RXFP1: variants seen among roughly 807,000 people sequenced by gnomAD.
RXFP1 encodes the protein relaxin receptor 1.
Under a neutral mutation model 89.8 loss-of-function variants are expected in RXFP1, and 73 were observed. The observed-to-expected ratio is 0.81, with a 90% CI of 0.67 to 0.99. The LOEUF (loss-of-function observed/expected upper bound fraction) is 0.99. Ranked by LOEUF, RXFP1 falls within the 50% of genes least tolerant of loss-of-function variation. The probability of loss-of-function intolerance (pLI) is 0.00; values close to 1 mark genes in which losing one functional copy is unlikely to be tolerated. For missense variants in RXFP1, 793 were observed against 895.5 expected (o/e 0.89, Z 1.46); for synonymous variants, 277 against 305.5 (o/e 0.91, Z 0.97).
intron 9 of RXFP1, among the ~76,000 whole-genome samples, chr4:158,617,410 A>G (rs565233457): frequency 1.4e-5 from 2 of 138,020 alleles, no homozygotes; most frequent in African/African-American, 6.3e-5. Flanking sequence ...TCAGCAAAAT[A>G]AAACATCTCA....
At chr4:158,554,910 G>T (rs1330503602) in intron 1 of RXFP1, among the ~76,000 whole-genome samples, 1 of 152,036 alleles carries the variant, frequency 6.6e-6, no homozygotes, top group African/African-American at 2.4e-5. Flanking sequence ...CATGTCACTA[G>T]CTATATGTAT....
intron 1 of RXFP1, among the ~76,000 whole-genome samples, chr4:158,533,384 A>T (rs996109408): frequency 6.6e-5 from 10 of 152,334 alleles, no homozygotes; most frequent in Non-Finnish European, 1.5e-4. Flanking sequence ...GCATAAATGG[A>T]CATTACCCTA....
intron 1 of RXFP1, among the ~76,000 whole-genome samples, chr4:158,553,128 G>T (rs916979743): frequency 3.3e-5 from 5 of 152,190 alleles, no homozygotes; most frequent in African/African-American, 1.2e-4. Context: ...GTTTGAGGCT[G>T]CAGTGAGCTC....
intron 1 of RXFP1, among the ~76,000 whole-genome samples, chr4:158,538,584 C>A (rs902038576): frequency 6.6e-6 from 1 of 152,102 alleles, no homozygotes; most frequent in Non-Finnish European, 1.5e-5. Flanking sequence ...GAAGCCAAGG[C>A]GGGCAGATCA....
intron 1 of RXFP1, among the ~76,000 whole-genome samples, chr4:158,567,912 G>T (rs1432622568): frequency 6.6e-6 from 1 of 152,196 alleles, no homozygotes. Flanking sequence ...GCTTGTGGTG[G>T]CTTTGTTCTT....
Position 158,645,139 on chromosome 4 carries a change from G to T in RXFP1, c.1345+1G>T, listed in dbSNP as rs573360792. The T allele has an allele frequency of 1.2e-6, 2 of 1,601,802 alleles. No individual in the cohort carries two copies. The highest frequency in any genetic ancestry group is 1.7e-4 in the Middle Eastern group (1 of 6,032). ...GCCATGTCAATCATTTCTCTCTGCT[G>T]TGAGTATTTCCTGGTTAAAGGAGAA... is the stretch of plus-strand genomic sequence containing the variant. On this transcript the variant is annotated splice_donor_variant, in intron 15 of 17. Coordinates refer to ENST00000307765, the MANE Select transcript of RXFP1 (RefSeq NM_021634.4). LOFTEE classifies it high-confidence loss of function.
chr4:158,652,108 G>A lies in RXFP1; in HGVS notation c.*53G>A. 7.1e-7 allele frequency: 1 copy of A among 1,415,868 alleles called. No individual in the cohort carries two copies. The highest frequency in any genetic ancestry group is 9.6e-7 in the Non-Finnish European group (1 of 1,042,852). The allele number at this position is 1,415,868 out of a possible 1,614,324, so 87.7% of individuals were successfully genotyped here. A position where few individuals can be genotyped will look rare whatever the true frequency, so the allele number is the denominator to read the frequency against. On this transcript the variant is annotated 3_prime_UTR_variant, in exon 18 of 18. Coordinates refer to ENST00000307765, the MANE Select transcript of RXFP1 (RefSeq NM_021634.4). ...AGAATACTGTGGGGGTGCTTCATGA[G>A]GGATTTACTGGTATGAAATGAATAC...
intron 9 of RXFP1, among the ~76,000 whole-genome samples, chr4:158,623,563 T>C: frequency 6.9e-6 from 1 of 144,030 alleles, no homozygotes; most frequent in South Asian, 2.2e-4. Context: ...AAAGATCAAG[T>C]AGAACCAAAA....
chr4:158,544,105 A>AT (rs202021372), intron 1 of RXFP1: 1 of 979,738 alleles, frequency 1.0e-6, no homozygotes, highest in Non-Finnish European at 1.2e-6. Context: ...CCATCTTTTT[A>AT]TTTTTTTAAT....
At chr4:158,526,347 A>G (rs533217297) in intron 1 of RXFP1, among the ~76,000 whole-genome samples, 211 of 152,324 alleles carry the variant, frequency 1.4e-3, no homozygotes, top group African/African-American at 4.8e-3. Context: ...TGGATATTTT[A>G]TTAGCCCCAC....
chr4:158,599,836 TG>T (rs1761344477), intron 4 of RXFP1, among the ~76,000 whole-genome samples: 3 of 152,204 alleles, frequency 2.0e-5, no homozygotes, highest in Non-Finnish European at 4.4e-5. Context: ...TATAATCTGA[TG>T]TGTAAGTTAA....
At chr4:158,578,280 TCACAGA>T (rs773860852) in intron 2 of RXFP1, among the ~76,000 whole-genome samples, 5 of 152,200 alleles carry the variant, frequency 3.3e-5, no homozygotes, top group African/African-American at 7.2e-5. Flanking sequence ...CTCAGAACTG[TCACAGA>T]CACAATCAAA....
chr4:158,627,504 G>GGGGTGTGT (rs1165448985), intron 10 of RXFP1, among the ~76,000 whole-genome samples: 1 of 143,358 alleles, frequency 7.0e-6, no homozygotes, highest in African/African-American at 2.6e-5. Context: ...TGAGCCTTAG[G>GGGGTGTGT]GTGTGTGTGT....
intron 10 of RXFP1, 43 bp downstream of exon 10, chr4:158,626,934 T>C: frequency 9.1e-7 from 1 of 1,096,916 alleles, no homozygotes; most frequent in Non-Finnish European, 1.3e-6. Flanking sequence ...TATCTTTTCT[T>C]ACAAATAAAA....
At chr4:158,595,127 G>A (rs1760279613) in intron 3 of RXFP1, among the ~76,000 whole-genome samples, 2 of 152,234 alleles carry the variant, frequency 1.3e-5, no homozygotes, top group South Asian at 4.2e-4. Flanking sequence ...TTTATACATA[G>A]AGCCACAGTT....
chr4:158,603,902 A>AATG (rs1324370805), intron 4 of RXFP1, among the ~76,000 whole-genome samples: 8 of 146,838 alleles, frequency 5.4e-5, no homozygotes, highest in African/African-American at 2.0e-4. Flanking sequence ...TAATAATAAT[A>AATG]ATAATAATAA....
At chr4:158,568,460 A>C (rs1754283255) in intron 1 of RXFP1, among the ~76,000 whole-genome samples, 1 of 152,252 alleles carries the variant, frequency 6.6e-6, no homozygotes, top group African/African-American at 2.4e-5. Context: ...CTGGAGGCTA[A>C]TTCATTAAAG....
intron 1 of RXFP1, among the ~76,000 whole-genome samples, chr4:158,525,833 T>G (rs1035822594): frequency 1.2e-4 from 19 of 152,348 alleles, no homozygotes; most frequent in Admixed American, 5.9e-4. Flanking sequence ...CACCACTTCT[T>G]AGTAATGTTA....
chr4:158,530,540 T>C (rs970994000), intron 1 of RXFP1, among the ~76,000 whole-genome samples: 9 of 152,242 alleles, frequency 5.9e-5, no homozygotes, highest in African/African-American at 2.2e-4. Context: ...TGCTGGAAAT[T>C]GCAGAACTGC....
Sources: gnomAD v4.1 joint callset for allele counts (sites outside exome capture counted in the v4.1 genomes callset) on GRCh38, gnomAD v4.1.1 for gene constraint, MANE v1.5 for transcripts, NCBI Gene and HGNC (gene_info 2026-07-23, HGNC 2026-07-21) for gene names.